Variants in PRKCE observed in about 807,000 individuals in gnomAD.
The protein encoded by PRKCE is protein kinase C epsilon.
In PRKCE, 16 loss-of-function variants were observed where a neutral mutation model predicts 85.4. The ratio of observed to expected loss-of-function variants is 0.19; its 90% CI spans 0.13 to 0.28. PRKCE has a LOEUF of 0.28. PRKCE is among the 10% of genes least tolerant of loss of function. The pLI is 1.00. For synonymous variants in PRKCE, 388 were observed against 371.5 expected, an observed-to-expected ratio of 1.04 and a Z score of -0.51; for missense variants, 573 against 975.2, an observed-to-expected ratio of 0.59 and a Z score of 5.49.
intron 10 of PRKCE, among the ~76,000 whole-genome samples, chr2:46,079,167 C>A (rs1444078524): frequency 9.7e-6 from 1 of 103,446 alleles, no homozygotes; most frequent in African/African-American, 4.0e-5. Flanking sequence ...CAGAGCAAGA[C>A]TCTGTCTCAA....
intron 1 of PRKCE, among the ~76,000 whole-genome samples, chr2:45,655,750 T>C (rs1444614253): frequency 6.7e-6 from 1 of 149,940 alleles, no homozygotes; most frequent in African/African-American, 2.5e-5. Flanking sequence ...GTGGGAGGAT[T>C]ACTTGAGTCC....
chr2:46,000,668 T>A (rs182479872), intron 6 of PRKCE, among the ~76,000 whole-genome samples: 1 of 151,858 alleles, frequency 6.6e-6, no homozygotes, highest in Non-Finnish European at 1.5e-5. Flanking sequence ...CTCAACTGAA[T>A]GTACAAAAGT....
intron 1 of PRKCE, among the ~76,000 whole-genome samples, chr2:45,699,893 T>G (rs2104211341): frequency 6.6e-6 from 1 of 152,080 alleles, no homozygotes; most frequent in South Asian, 2.1e-4. Flanking sequence ...AAATGGGTGC[T>G]CGTTTTGCAC....
At chr2:45,794,737 G>C (rs140537166) in intron 1 of PRKCE, among the ~76,000 whole-genome samples, 5 of 151,850 alleles carry the variant, frequency 3.3e-5, no homozygotes, top group Admixed American at 2.0e-4. Context: ...TGGACTGTTC[G>C]AATACAAGCC....
At chr2:46,086,105 C>A (rs892582798) in intron 10 of PRKCE, 103 bp from the exon 11 acceptor site, 2 of 1,246,586 alleles carry the variant, frequency 1.6e-6, no homozygotes, top group Non-Finnish European at 2.2e-6. Flanking sequence ...GAGGCTTCTT[C>A]CCCCTTGAGT....
intron 14 of PRKCE, among the ~76,000 whole-genome samples, chr2:46,160,691 C>T (rs1402022521): frequency 1.3e-5 from 2 of 152,224 alleles, no homozygotes; most frequent in African/African-American, 4.8e-5. Context: ...AGCCCTCAGT[C>T]ACCCAGCATA....
In PRKCE at chr2:45,984,959, A is replaced by G. The variant is rs572296102; in HGVS notation, c.823+279A>G. Reference sequence around the variant, plus strand: ...TCTGGGGAGACAAAATGAGTCTACAAAAGCATAATAATTTCAGGAAAGATA... The same window carrying G: ...TCTGGGGAGACAAAATGAGTCTACAGAAGCATAATAATTTCAGGAAAGATA... On this transcript the variant is annotated intron_variant, in intron 6 of 14. Transcript: ENST00000306156. Among the ~76,000 whole-genome samples, 43 of 152,340 alleles carry G rather than the reference A, an allele frequency of 2.8e-4. No individual in the cohort carries two copies. In the South Asian group the frequency reaches 6.6e-3, roughly 24 times the overall value.
rs758489766 is a variant in PRKCE at position 46,159,667 on chromosome 2, C to T, written c.1982C>T (p.Ala661Val). The T allele has an allele frequency of 2.5e-6, 4 of 1,599,440 alleles. No homozygotes were observed. Among genetic ancestry groups the T allele is most frequent in the South Asian group, 2.2e-5 (2 of 90,978 alleles). ...GTGGCATCGCAGAATGGCGAGGACG[C>T]CATCAAGCAGCACCCATTCTTCAAA... is the stretch of plus-strand genomic sequence containing the variant. ...GCVASQNGED[A>V]IKQHPFFKEI... The change falls in exon 14 of 15, where the codon GCC becomes GTC. Residue 661 changes from alanine to valine, a missense_variant. Transcript: ENST00000306156. The surrounding 1 kb of genome is among the most constrained non-coding windows in gnomAD (Gnocchi z 4.1).
At chr2:45,775,442 G>A (rs936490888) in intron 1 of PRKCE, among the ~76,000 whole-genome samples, 2 of 152,170 alleles carry the variant, frequency 1.3e-5, no homozygotes, top group African/African-American at 4.8e-5. Context: ...TATTCATACT[G>A]CCTTTGAATT....
At chr2:45,781,649 C>T (rs764105626) in intron 1 of PRKCE, among the ~76,000 whole-genome samples, 3 of 152,134 alleles carry the variant, frequency 2.0e-5, no homozygotes, top group South Asian at 4.1e-4. Context: ...GCCCGCCCCC[C>T]GGCCCCCGAC....
chr2:45,943,781 C>T (rs779469028), intron 2 of PRKCE, among the ~76,000 whole-genome samples: 23 of 152,190 alleles, frequency 1.5e-4, no homozygotes, highest in Non-Finnish European at 1.2e-4. Flanking sequence ...GGAGAGTTCC[C>T]AGTTTGCAGA....
intron 10 of PRKCE, among the ~76,000 whole-genome samples, chr2:46,049,585 T>G (rs1708732184): frequency 6.6e-6 from 1 of 152,198 alleles, no homozygotes; most frequent in South Asian, 2.1e-4. Flanking sequence ...GGGAAGCAGC[T>G]GCAGGTGTAA....
chr2:45,921,765 G>A (rs1269792872), intron 2 of PRKCE, among the ~76,000 whole-genome samples: 1 of 152,206 alleles, frequency 6.6e-6, no homozygotes, highest in Admixed American at 6.5e-5. Flanking sequence ...CCTTTGAGGG[G>A]AGGAGTGTCA....
At chr2:46,055,220 C>T (rs984107272) in intron 10 of PRKCE, among the ~76,000 whole-genome samples, 1 of 152,212 alleles carries the variant, frequency 6.6e-6, no homozygotes, top group African/African-American at 2.4e-5. Flanking sequence ...GGGATCACAG[C>T]CACCACCTTA....
intron 2 of PRKCE, among the ~76,000 whole-genome samples, chr2:45,884,019 CT>C: frequency 6.6e-6 from 1 of 152,334 alleles, no homozygotes; most frequent in Non-Finnish European, 1.5e-5. Context: ...TTTTTGGCAA[CT>C]GCCTTGAGAG....
chr2:45,904,705 T>G (rs1350709673), intron 2 of PRKCE, among the ~76,000 whole-genome samples: 1 of 152,190 alleles, frequency 6.6e-6, no homozygotes, highest in African/African-American at 2.4e-5. Flanking sequence ...AATCCCTTTC[T>G]GGAAACCGTC....
At chr2:45,709,432 T>C (rs923189704) in intron 1 of PRKCE, among the ~76,000 whole-genome samples, 2 of 152,252 alleles carry the variant, frequency 1.3e-5, no homozygotes, top group African/African-American at 2.4e-5. Flanking sequence ...GACAAGGCCC[T>C]TCTCTGGCCC....
At chr2:46,017,800 T>A (rs1285761973) in intron 10 of PRKCE, among the ~76,000 whole-genome samples, 3 of 152,210 alleles carry the variant, frequency 2.0e-5, no homozygotes, top group Non-Finnish European at 4.4e-5. Flanking sequence ...CCCTAGTGAT[T>A]TGTGGTCACT....
chr2:46,134,560 A>G (rs1006510142), intron 11 of PRKCE, among the ~76,000 whole-genome samples: 11 of 152,256 alleles, frequency 7.2e-5, no homozygotes, highest in Non-Finnish European at 1.0e-4. Flanking sequence ...GGAAAGGGAA[A>G]ACATTTGGTG....
Sources: gnomAD v4.1 joint callset for allele counts (sites outside exome capture counted in the v4.1 genomes callset) on GRCh38, gnomAD v4.1.1 for gene constraint, Gnocchi (gnomAD v3.1) non-coding constraint, MANE v1.5 for transcripts, NCBI Gene and HGNC (gene_info 2026-07-23, HGNC 2026-07-21) for gene names.